The following PCDHGB6 variants were observed in gnomAD, a reference collection of about 807,000 sequenced individuals.
PCDHGB6 encodes the protein protocadherin gamma-B6.
In PCDHGB6, 51 loss-of-function variants were observed where a neutral mutation model predicts 59.1. The observed-to-expected ratio is 0.86, with a 90% CI of 0.69 to 1.09. The LOEUF is 1.09. Ranked by LOEUF, PCDHGB6 falls within the 50% of genes least tolerant of loss-of-function variation. PCDHGB6 has a pLI of 0.00. For missense variants in PCDHGB6, 1,148 were observed against 1,205.1 expected (o/e 0.95, Z 0.70); for synonymous variants, 466 against 495.1 (o/e 0.94, Z 0.78).
At chr5:141,423,620 C>A in intron 1 of PCDHGB6, 1 of 1,608,268 alleles carries the variant, frequency 6.2e-7, no homozygotes, top group Non-Finnish European at 8.5e-7. Flanking sequence ...GCTGAAGACT[C>A]AGCTATCATT....
Position 141,476,855 on chromosome 5 carries a change from T to C in PCDHGB6, c.2419-17952T>C, listed in dbSNP as rs149491772. The C allele has an allele frequency of 3.2e-4, 519 of 1,613,836 alleles. 3 individuals carry two copies. The African/African-American group carries it at 6.2e-3, about 19-fold the overall frequency. Reference sequence around the variant, plus strand: ...TGACAATGCGCCTGTCTTCAACCAGTCCTTGTACCGGGCGCGCGTCCTGGA... The same window carrying C: ...TGACAATGCGCCTGTCTTCAACCAGCCCTTGTACCGGGCGCGCGTCCTGGA... On this transcript the variant is annotated intron_variant, in intron 1 of 3. Coordinates refer to ENST00000520790, the MANE Select transcript of PCDHGB6 (RefSeq NM_018926.3). This position sits in a 1 kb window ranked among gnomAD's most constrained non-coding sequence, Gnocchi z 7.6.
intron 1 of PCDHGB6, among the ~76,000 whole-genome samples, chr5:141,484,740 G>GA (rs1047805396): frequency 2.0e-5 from 3 of 150,646 alleles, no homozygotes; most frequent in Admixed American, 1.3e-4. Context: ...GGTGTGTTAG[G>GA]AAAAAAAATG....
intron 2 of PCDHGB6, among the ~76,000 whole-genome samples, chr5:141,496,769 C>T (rs1434587849): frequency 2.0e-5 from 3 of 152,064 alleles, no homozygotes; most frequent in African/African-American, 7.3e-5. Flanking sequence ...CGAGCATCTA[C>T]TATGAGCAGG....
intron 1 of PCDHGB6, chr5:141,422,204 GAGGTCTCTTTACCA>G: frequency 6.4e-7 from 1 of 1,562,138 alleles, no homozygotes. Flanking sequence ...CAAGATGGTG[GAGGTCTCTTTACCA>G]CCACGACGAT....
chr5:141,441,887 A>G, intron 1 of PCDHGB6: 1 of 344,596 alleles, frequency 2.9e-6, no homozygotes, highest in African/African-American at 2.2e-5. Context: ...CTGGTCACCA[A>G]GGTGGTGGCT....
Position 141,485,627 on chromosome 5 carries a change from T to C in PCDHGB6, c.2419-9180T>C. 3 of 1,612,072 alleles carry C rather than the reference T, an allele frequency of 1.9e-6. No individual in the cohort carries two copies. Among genetic ancestry groups the C allele is most frequent in the Non-Finnish European group, 2.5e-6 (3 of 1,178,530 alleles). On this transcript the variant is annotated intron_variant, in intron 1 of 3. Transcript: ENST00000520790. This position sits in a 1 kb window ranked among gnomAD's most constrained non-coding sequence, Gnocchi z 5.7. ...GGAGGCAGCTCCTCCAGGACAGCGT[T>C]TCCCGTTGGAAAAGGCTCAGGATGC...
At chr5:141,482,901 A>G (rs192886570) in intron 1 of PCDHGB6, among the ~76,000 whole-genome samples, 1 of 152,122 alleles carries the variant, frequency 6.6e-6, no homozygotes, top group Admixed American at 6.6e-5. Context: ...GTGAAACCTC[A>G]TCTCTATTAA....
intron 1 of PCDHGB6, among the ~76,000 whole-genome samples, chr5:141,448,169 A>C (rs1418273084): frequency 6.6e-6 from 1 of 152,014 alleles, no homozygotes; most frequent in Non-Finnish European, 1.5e-5. Flanking sequence ...GATCACTACT[A>C]TTCATCCCTG....
chr5:141,441,565 C>T (rs1049476318), intron 1 of PCDHGB6: 62 of 200,838 alleles, frequency 3.1e-4, no homozygotes, highest in African/African-American at 1.4e-3. Context: ...CAAGTAGACA[C>T]CTCCAACCTA....
At position 141,491,587 on chromosome 5, in the gene PCDHGB6, G is replaced by A. The variant is rs1177701526; in HGVS notation, c.2419-3220G>A. 1.2e-6 allele frequency: 2 copies of A among 1,613,834 alleles called. No individual in the cohort carries two copies. Among genetic ancestry groups the A allele is most frequent in the African/African-American group, 2.7e-5 (2 of 74,926 alleles). On this transcript the variant is annotated intron_variant, in intron 1 of 3. Coordinates refer to ENST00000520790, the MANE Select transcript of PCDHGB6 (RefSeq NM_018926.3). The surrounding 1 kb of genome is among the most constrained non-coding windows in gnomAD (Gnocchi z 6.9). ...CAGGACGTGCTTTTCACCGGCCTCG[G>A]ACGGCAGTGACTTCACTTTTCTAAG...
rs978480877 is a variant in PCDHGB6, at chr5:141,417,841, G to A, written c.2418+7221G>A. ...CTCCAACTGGAAAAGCGGGGACCCAGCGAGAACCCGAGCGAACGATGGGAG... is the reference window on the plus strand; with the variant it reads ...CTCCAACTGGAAAAGCGGGGACCCAACGAGAACCCGAGCGAACGATGGGAG... On this transcript the variant is annotated intron_variant, in intron 1 of 3. Coordinates refer to ENST00000520790, the MANE Select transcript of PCDHGB6 (RefSeq NM_018926.3). 1.4e-5 allele frequency: 21 copies of A among 1,537,848 alleles called. No homozygotes were observed. In the African/African-American group the frequency reaches 2.6e-4, roughly 19 times the overall value.
At chr5:141,448,247 A>G (rs1449158776) in intron 1 of PCDHGB6, among the ~76,000 whole-genome samples, 1 of 152,104 alleles carries the variant, frequency 6.6e-6, no homozygotes, top group Non-Finnish European at 1.5e-5. Flanking sequence ...TTTGCACAAC[A>G]GGATCATTTT....
intron 1 of PCDHGB6, among the ~76,000 whole-genome samples, chr5:141,459,014 T>C (rs1429233660): frequency 6.6e-6 from 1 of 152,240 alleles, no homozygotes; most frequent in East Asian, 1.9e-4. Context: ...ATTACAGGCA[T>C]GAGCCACCAC....
intron 1 of PCDHGB6, among the ~76,000 whole-genome samples, chr5:141,482,127 T>C (rs2099553382): frequency 6.6e-6 from 1 of 151,774 alleles, no homozygotes; most frequent in African/African-American, 2.4e-5. Flanking sequence ...GGGAGAATCA[T>C]ATGGCTGGCA....
chr5:141,435,781 C>T (rs3828680), intron 1 of PCDHGB6, among the ~76,000 whole-genome samples: 81,882 of 151,942 alleles, frequency 0.54, 24,120 homozygotes, highest in African/African-American at 0.79. Flanking sequence ...TGTAAAGGTG[C>T]AGGGAAACAT....
In PCDHGB6 at chr5:141,408,178, G is replaced by A. The variant is rs1425207794; in HGVS notation, c.-25G>A. 2 of 1,535,708 alleles carry A rather than the reference G, an allele frequency of 1.3e-6. No homozygotes were observed. The highest frequency in any genetic ancestry group is 1.8e-6 in the Non-Finnish European group (2 of 1,138,320). On this transcript the variant is annotated 5_prime_UTR_variant, in exon 1 of 4. Coordinates refer to ENST00000520790, the MANE Select transcript of PCDHGB6 (RefSeq NM_018926.3). ...CACTTTCTCCAACTGGAAAAGCGGG[G>A]ACCCAGCGAGAACCCGAGCGAACGA... is the stretch of plus-strand genomic sequence containing the variant.
intron 1 of PCDHGB6, among the ~76,000 whole-genome samples, chr5:141,471,046 CTTTT>C (rs1170588345): frequency 5.3e-5 from 6 of 113,264 alleles, no homozygotes; most frequent in Admixed American, 9.3e-5. Context: ...CCCAAGCCCT[CTTTT>C]TTTTTTTTTT....
Position 141,485,227 on chromosome 5 carries a change from G to T in PCDHGB6, c.2419-9580G>T. Reference sequence around the variant, plus strand: ...AAATCTGGCGGTGGGCTACCCTTTTGTTCCTCTTTTACCACCTGGGTTACG... The same window carrying T: ...AAATCTGGCGGTGGGCTACCCTTTTTTTCCTCTTTTACCACCTGGGTTACG... On this transcript the variant is annotated intron_variant, in intron 1 of 3. Transcript: ENST00000520790. The surrounding 1 kb of genome is among the most constrained non-coding windows in gnomAD (Gnocchi z 5.7). The T allele has an allele frequency of 6.2e-7, 1 of 1,614,186 alleles. No individual in the cohort carries two copies. Among genetic ancestry groups the T allele is most frequent in the Non-Finnish European group, 8.5e-7 (1 of 1,180,020 alleles).
chr5:141,472,853 G>A (rs1283601489), intron 1 of PCDHGB6, among the ~76,000 whole-genome samples: 1 of 151,738 alleles, frequency 6.6e-6, no homozygotes, highest in Non-Finnish European at 1.5e-5. Flanking sequence ...GGGCATGGTG[G>A]CACATGCCTG....
Sources: gnomAD v4.1 joint callset for allele counts (sites outside exome capture counted in the v4.1 genomes callset) on GRCh38, gnomAD v4.1.1 for gene constraint, Gnocchi (gnomAD v3.1) non-coding constraint, MANE v1.5 for transcripts, NCBI Gene and HGNC (gene_info 2026-07-23, HGNC 2026-07-21) for gene names.